Variants in EDC3 observed in about 807,000 individuals in gnomAD.
EDC3 encodes enhancer of mRNA-decapping protein 3.
EDC3 carries 20 observed loss-of-function variants against 41.8 expected under a neutral mutation model. That is an observed-to-expected ratio of 0.48 (90% CI 0.34 to 0.70). EDC3 has a LOEUF of 0.70. EDC3 is among the 30% of genes least tolerant of loss of function. The probability of loss-of-function intolerance (pLI) is 0.01; values close to 1 mark genes in which losing one functional copy is unlikely to be tolerated. For missense variants in EDC3, 444 were observed against 636.8 expected (o/e 0.70, Z 3.26); for synonymous variants, 206 against 243.2 (o/e 0.85, Z 1.42).
chr15:74,679,963 G>C (rs2062851615), intron 1 of EDC3: 1 of 149,458 alleles, frequency 6.7e-6, no homozygotes, highest in South Asian at 2.1e-4. Context: ...TAAACATAAA[G>C]AATTATACAC....
chr15:74,674,630 C>T (rs935802710), intron 2 of EDC3, among the ~76,000 whole-genome samples: 2 of 152,168 alleles, frequency 1.3e-5, no homozygotes, highest in African/African-American at 2.4e-5. Flanking sequence ...AATGACACAA[C>T]AATACCTAGT....
At chr15:74,635,289 C>T (rs529794097) in intron 6 of EDC3, 120 bp downstream of exon 6, 18 of 911,692 alleles carry the variant, frequency 2.0e-5, no homozygotes, top group Admixed American at 3.8e-5. Context: ...TCCTTAGAGG[C>T]GAAGCACCAT....
chr15:74,633,214 G>C (rs558864492), intron 6 of EDC3, among the ~76,000 whole-genome samples: 2 of 152,360 alleles, frequency 1.3e-5, no homozygotes, highest in East Asian at 1.9e-4. Context: ...GTCGTCCTGA[G>C]TGTGCAGAGC....
intron 4 of EDC3, chr15:74,644,243 G>C (rs1210318831): frequency 6.6e-6 from 1 of 152,220 alleles, no homozygotes; most frequent in East Asian, 1.9e-4. Flanking sequence ...CCACCTTCTG[G>C]TTCCTAAATT....
chr15:74,689,215 C>T (rs1247213813), intron 1 of EDC3, among the ~76,000 whole-genome samples: 3 of 152,098 alleles, frequency 2.0e-5, no homozygotes, highest in Admixed American at 1.3e-4. Context: ...AGTGGTTGTA[C>T]CATTTTGTAT....
Position 74,655,727 on chromosome 15 carries a change from A to G in EDC3, c.820+6T>C, listed in dbSNP as rs1411664927. The G allele has an allele frequency of 1.3e-6, 2 of 1,598,244 alleles. No homozygotes were observed. The highest frequency in any genetic ancestry group is 1.7e-6 in the Non-Finnish European group (2 of 1,168,400). On this transcript the variant is annotated splice_donor_region_variant and intron_variant, in intron 4 of 6. Coordinates refer to ENST00000315127, the MANE Select transcript of EDC3 (RefSeq NM_025083.5). ...CCAGCAGGATGTGGGACCTGATGCA[A>G]CTCACCCGTGCAGAACTCCTTGCTC... is the stretch of plus-strand genomic sequence containing the variant.
intron 4 of EDC3, chr15:74,644,591 G>A (rs967507858): frequency 6.6e-5 from 10 of 151,852 alleles, no homozygotes; most frequent in Middle Eastern, 3.4e-3. Context: ...ACCATGGCAC[G>A]TGTGTATACC....
At chr15:74,683,376 A>AAT in intron 1 of EDC3, among the ~76,000 whole-genome samples, 1 of 152,258 alleles carries the variant, frequency 6.6e-6, no homozygotes, top group African/African-American at 2.4e-5. Context: ...CTCTACCAAA[A>AAT]ATACAAAAAT....
intron 4 of EDC3, among the ~76,000 whole-genome samples, chr15:74,652,389 G>A (rs1000732298): frequency 1.4e-4 from 21 of 151,556 alleles, no homozygotes; most frequent in Admixed American, 5.3e-4. Context: ...CACCATGCCC[G>A]GCTCATTTTT....
At chr15:74,687,542 T>TAA (rs1186802517) in intron 1 of EDC3, among the ~76,000 whole-genome samples, 1 of 152,186 alleles carries the variant, frequency 6.6e-6, no homozygotes, top group African/African-American at 2.4e-5. Context: ...CACACCCAGC[T>TAA]AATTTTTGTA....
chr15:74,640,803 G>C (rs1342314888), intron 4 of EDC3, 184 bp from the exon 5 acceptor site: 8 of 664,840 alleles, frequency 1.2e-5, no homozygotes, highest in Non-Finnish European at 2.0e-5. Flanking sequence ...AGTGACTGGT[G>C]AACCAAGTAA....
chr15:74,676,780 A>T (rs1192719943), intron 1 of EDC3, among the ~76,000 whole-genome samples: 2 of 152,232 alleles, frequency 1.3e-5, no homozygotes, highest in Admixed American at 1.3e-4. Context: ...ACTCAACAAT[A>T]AGAAAATGAA....
intron 4 of EDC3, chr15:74,642,567 C>T (rs1209544142): frequency 6.6e-6 from 1 of 152,250 alleles, no homozygotes; most frequent in Non-Finnish European, 1.5e-5. Context: ...ACTTCAAACA[C>T]CCTCTTTACC....
chr15:74,655,866 A>G lies in EDC3; in HGVS notation c.687T>C (p.Ser229=). ...TTGGGATGCCCCGGGAACGGGTACC[A>G]CTTCTCCTTTCATAGGTATCAATCT... ...FEEIDTYERR[S]GTRSRGIPNE... is the part of the protein sequence containing the mutation. The change falls in exon 4 of 7, where the codon AGT becomes AGC. Residue 229 remains serine, a synonymous_variant. Transcript: ENST00000315127. 1 of 1,614,106 alleles carries G rather than the reference A, an allele frequency of 6.2e-7. No individual in the cohort carries two copies. Among genetic ancestry groups the G allele is most frequent in the Non-Finnish European group, 8.5e-7 (1 of 1,180,012 alleles).
chr15:74,682,186 G>C (rs778226030), intron 1 of EDC3, among the ~76,000 whole-genome samples: 1 of 152,172 alleles, frequency 6.6e-6, no homozygotes, highest in African/African-American at 2.4e-5. Flanking sequence ...GCCAAGTGTG[G>C]TGGCGCACAC....
At chr15:74,666,370 T>C (rs2062677221) in intron 3 of EDC3, among the ~76,000 whole-genome samples, 2 of 152,172 alleles carry the variant, frequency 1.3e-5, no homozygotes, top group Admixed American at 1.3e-4. Context: ...CTCATTTATG[T>C]ACAGTTAACA....
intron 3 of EDC3, among the ~76,000 whole-genome samples, chr15:74,665,575 T>TA (rs1368588065): frequency 2.0e-5 from 3 of 152,182 alleles, no homozygotes; most frequent in African/African-American, 7.2e-5. Context: ...GGACTGATGT[T>TA]ATGTCTATTT....
chr15:74,649,868 G>T (rs1012953621), intron 4 of EDC3, among the ~76,000 whole-genome samples: 1 of 150,224 alleles, frequency 6.7e-6, no homozygotes, highest in Non-Finnish European at 1.5e-5. Flanking sequence ...AAAGGGGGGG[G>T]GGGTCACAAA....
At chr15:74,670,922 G>GA (rs1441474079) in intron 3 of EDC3, among the ~76,000 whole-genome samples, 1 of 152,146 alleles carries the variant, frequency 6.6e-6, no homozygotes, top group Non-Finnish European at 1.5e-5. Flanking sequence ...CTCTTCTGAG[G>GA]ATGAGACTCA....
Sources: gnomAD v4.1 joint callset for allele counts (sites outside exome capture counted in the v4.1 genomes callset) on GRCh38, gnomAD v4.1.1 for gene constraint, MANE v1.5 for transcripts, NCBI Gene and HGNC (gene_info 2026-07-23, HGNC 2026-07-21) for gene names.